CCT4: variants seen among roughly 807,000 people sequenced by gnomAD.
CCT4 encodes the protein chaperonin containing TCP1 subunit 4, also known as T-complex protein 1 subunit delta.
Under a neutral mutation model 62.5 loss-of-function variants are expected in CCT4, and 17 were observed. That is an observed-to-expected ratio of 0.27 (90% confidence interval 0.19 to 0.41). The LOEUF (loss-of-function observed/expected upper bound fraction) is 0.41, where lower values mean the gene tolerates loss of function less well. Ranked by LOEUF, CCT4 falls within the 10% of genes least tolerant of loss-of-function variation. The probability of loss-of-function intolerance (pLI) is 1.00; values close to 1 mark genes in which losing one functional copy is unlikely to be tolerated. For synonymous variants in CCT4, 250 were observed against 229.9 expected (o/e 1.09, Z -0.79); for missense variants, 592 against 659.2 (o/e 0.90, Z 1.12).
intron 4 of CCT4, among the ~76,000 whole-genome samples, chr2:61,879,269 T>TC (rs1347125035): frequency 2.1e-5 from 3 of 141,634 alleles, no homozygotes; most frequent in African/African-American, 5.3e-5. Context: ...TTTTTTTTTT[T>TC]TTTTTTTTCT....
intron 8 of CCT4, among the ~76,000 whole-genome samples, chr2:61,874,387 A>AG (rs1283558086): frequency 3.3e-5 from 5 of 151,974 alleles, no homozygotes; most frequent in Non-Finnish European, 5.9e-5. Context: ...TGGGAGGCCA[A>AG]GGGGGGGCAG....
chr2:61,868,147 C>T lies in CCT4; in HGVS notation c.*545G>A, dbSNP rs1458629379. 1 of 152,862 alleles carries T rather than the reference C, an allele frequency of 6.5e-6. No homozygotes were observed. The allele number at this position is 152,862 out of a possible 1,614,324, so 9.5% of individuals were successfully genotyped here. ...ACATATATGTATACACTTTTATTTG[C>T]AGAAGGAATCCAACACAGCAGTCAT... On this transcript the variant is annotated 3_prime_UTR_variant, in exon 14 of 14. Transcript: ENST00000394440.
At position 61,875,141 on chromosome 2, in the gene CCT4, C is replaced by CAAA. The variant is rs56942624; in HGVS notation, c.917+951_917+953dup. ...GGGCAACAAGAGCGAAACTCCATTTCAAAAAAAAAAGGAAGATTACGCACT... is the reference window on the plus strand; with the variant it reads ...GGGCAACAAGAGCGAAACTCCATTTCAAAAAAAAAAAAAGGAAGATTACGCACT... On this transcript the variant is annotated intron_variant, in intron 8 of 13. Transcript: ENST00000394440. Among the ~76,000 whole-genome samples the CAAA allele has an allele frequency of 1.2e-3, 184 of 148,358 alleles. 1 individual carries two copies. The highest frequency in any genetic ancestry group is 4.1e-3 in the African/African-American group (168 of 40,492).
chr2:61,887,364 TC>T (rs1239282273), intron 1 of CCT4, among the ~76,000 whole-genome samples: 77 of 152,146 alleles, frequency 5.1e-4, no homozygotes, highest in African/African-American at 1.8e-3. Flanking sequence ...TCTCACTGAA[TC>T]CTCACAGCAA....
At chr2:61,882,917 G>A (rs190682890) in intron 3 of CCT4, among the ~76,000 whole-genome samples, 309 of 151,614 alleles carry the variant, frequency 2.0e-3, no homozygotes, top group African/African-American at 7.2e-3. Context: ...ATCCTCCCAT[G>A]TCAGCCTATG....
chr2:61,875,959 T>C (rs1668988742), intron 8 of CCT4, 136 bp downstream of exon 8: 1 of 523,232 alleles, frequency 1.9e-6, no homozygotes, highest in African/African-American at 1.9e-5. Flanking sequence ...TCCATTTCGT[T>C]TCACCTAAGA....
At chr2:61,870,424 C>T (rs1668859880) in intron 12 of CCT4, among the ~76,000 whole-genome samples, 1 of 152,170 alleles carries the variant, frequency 6.6e-6, no homozygotes, top group African/African-American at 2.4e-5. Context: ...CCCTTTATCC[C>T]GGGATTACTC....
intron 10 of CCT4, 53 bp from the exon 11 acceptor site, chr2:61,872,641 A>C: frequency 1.3e-6 from 2 of 1,599,966 alleles, no homozygotes; most frequent in Non-Finnish European, 1.7e-6. Context: ...AAAACCCCAC[A>C]CCCAGGCCGG....
chr2:61,872,195 C>A lies in CCT4; in HGVS notation c.1378G>T (p.Val460Phe). The change falls in exon 12 of 14, where the codon GTC (valine) becomes TTC (phenylalanine). Residue 460 changes from valine to phenylalanine, a missense_variant. Val to Phe is a conservative substitution (Grantham distance 50). Transcript: ENST00000394440. ...TTTTCAGCTAGTGTAGATGGAATGA[C>A]CTCCATAGCATCTGCAAAAGCACGA... is the stretch of plus-strand genomic sequence containing the variant. The part of the protein sequence containing the change: ...CVRAFADAME[V>F]IPSTLAENAG... 1 of 1,613,390 alleles carries A rather than the reference C, an allele frequency of 6.2e-7. No individual in the cohort carries two copies. The highest frequency in any genetic ancestry group is 8.5e-7 in the Non-Finnish European group (1 of 1,179,498).
rs771012319 is a variant in CCT4 at position 61,873,128 on chromosome 2, A to C, written c.1015-16T>G. On this transcript the variant is annotated splice_polypyrimidine_tract_variant and intron_variant, in intron 9 of 13. Coordinates refer to ENST00000394440, the MANE Select transcript of CCT4 (RefSeq NM_006430.4). ...TTCCAATTGTCTGGAAAAAACAGTC[A>C]AATCCACAAATTAAGACATTTATCT... The C allele has an allele frequency of 2.9e-5, 44 of 1,531,578 alleles. No homozygotes were observed. The highest frequency in any genetic ancestry group is 3.9e-5 in the Non-Finnish European group (43 of 1,104,914). The allele number at this position is 1,531,578 out of a possible 1,614,324, so 94.9% of individuals were successfully genotyped here. A position where few individuals can be genotyped will look rare whatever the true frequency, so the allele number is the denominator to read the frequency against.
chr2:61,870,782 C>G (rs1668867674), intron 12 of CCT4, among the ~76,000 whole-genome samples: 1 of 152,012 alleles, frequency 6.6e-6, no homozygotes, highest in Non-Finnish European at 1.5e-5. Context: ...ATTAGCCCGG[C>G]CTGGTGGTGG....
At chr2:61,882,413 G>A (rs1238160505) in intron 3 of CCT4, among the ~76,000 whole-genome samples, 1 of 152,082 alleles carries the variant, frequency 6.6e-6, no homozygotes, top group Non-Finnish European at 1.5e-5. Context: ...ATTTTCTTCT[G>A]TGGACACATG....
At position 61,885,016 on chromosome 2, in the gene CCT4, T is replaced by C; in HGVS notation, c.180+4A>G. ...TAGTAGTATTCAATGACTCAACTCT[T>C]TACCATTTTATCCATTCCTTTTGGT... is the stretch of plus-strand genomic sequence containing the variant. On this transcript the variant is annotated splice_donor_region_variant and intron_variant, in intron 2 of 13. Coordinates refer to ENST00000394440, the MANE Select transcript of CCT4 (RefSeq NM_006430.4). 1.3e-6 allele frequency: 2 copies of C among 1,581,656 alleles called. No individual in the cohort carries two copies. Among genetic ancestry groups the C allele is most frequent in the Non-Finnish European group, 1.7e-6 (2 of 1,165,902 alleles).
chr2:61,872,379 G>A (rs1668901920), intron 11 of CCT4, 63 bp from the exon 12 acceptor site: 5 of 1,412,740 alleles, frequency 3.5e-6, no homozygotes, highest in Non-Finnish European at 4.8e-6. Context: ...TTAATAATTT[G>A]CTATTTATAT....
At chr2:61,877,255 TA>T in intron 6 of CCT4, 137 bp downstream of exon 6, 1 of 956,686 alleles carries the variant, frequency 1.0e-6, no homozygotes, top group Non-Finnish European at 1.5e-6. Flanking sequence ...ATGCCCATAC[TA>T]ATACAAATTC....
At chr2:61,869,329 T>G in intron 13 of CCT4, 111 bp downstream of exon 13, 1 of 643,470 alleles carries the variant, frequency 1.6e-6, no homozygotes, top group Non-Finnish European at 2.8e-6. Flanking sequence ...GAGCAAAACT[T>G]TGTCTCAAAA....
At chr2:61,882,687 T>C (rs367632317) in intron 3 of CCT4, among the ~76,000 whole-genome samples, 27 of 152,234 alleles carry the variant, frequency 1.8e-4, no homozygotes, top group African/African-American at 5.3e-4. Flanking sequence ...TTTTTTGTAT[T>C]TTCAGTAGAG....
At chr2:61,883,722 AAAAG>A (rs1429332201) in intron 2 of CCT4, among the ~76,000 whole-genome samples, 174 bp from the exon 3 acceptor site, 1 of 152,008 alleles carries the variant, frequency 6.6e-6, no homozygotes, top group Non-Finnish European at 1.5e-5. Flanking sequence ...CCAACTTTAC[AAAAG>A]AAAAAAGTGG....
intron 1 of CCT4, among the ~76,000 whole-genome samples, chr2:61,887,736 C>T (rs555403802): frequency 6.6e-6 from 1 of 152,340 alleles, no homozygotes; most frequent in Non-Finnish European, 1.5e-5. Flanking sequence ...CTCTGGTCTT[C>T]CTGATTTCCA....
Sources: gnomAD v4.1 joint callset for allele counts (sites outside exome capture counted in the v4.1 genomes callset) on GRCh38, gnomAD v4.1.1 for gene constraint, MANE v1.5 for transcripts, NCBI Gene and HGNC (gene_info 2026-07-23, HGNC 2026-07-21) for gene names.